Variants in NTRK3 observed in about 807,000 individuals in gnomAD.
The protein encoded by NTRK3 is neurotrophic receptor tyrosine kinase 3.
A neutral mutation model predicts 91.7 loss-of-function variants in NTRK3; 24 were observed. That is an observed-to-expected ratio of 0.26 (90% CI 0.19 to 0.37). The LOEUF (loss-of-function observed/expected upper bound fraction) is 0.37. Among genes scored for constraint, NTRK3 ranks in the 10% least tolerant of loss-of-function variants. NTRK3 has a pLI of 1.00. For missense variants in NTRK3, 880 were observed against 1,068.9 expected (o/e 0.82, Z 2.46); for synonymous variants, 483 against 404.0 (o/e 1.20, Z -2.34).
intron 2 of NTRK3, 38 bp from the exon 3 acceptor site, chr15:88,256,206 TG>T (rs2142091727): frequency 4.4e-5 from 6 of 136,410 alleles, no homozygotes; most frequent in Admixed American, 1.3e-4. Flanking sequence ...GGGGGTGGGG[TG>T]GGGGGAGTGG....
chr15:87,869,485 G>T (rs2064769676), exon 19 of NTRK3: 1 of 218,954 alleles, frequency 4.6e-6, no homozygotes, highest in African/African-American at 2.2e-5. Context: ...CCTGCCTACA[G>T]GAAATGAAAG....
At chr15:88,092,524 A>G (rs1429622591) in intron 13 of NTRK3, among the ~76,000 whole-genome samples, 2 of 152,212 alleles carry the variant, frequency 1.3e-5, no homozygotes, top group East Asian at 1.9e-4. Flanking sequence ...TGTGGCCACA[A>G]GCCAGACTGG....
intron 5 of NTRK3, among the ~76,000 whole-genome samples, chr15:88,149,662 C>T (rs1383689514): frequency 6.6e-6 from 1 of 152,236 alleles, no homozygotes. Context: ...GAGGACACCA[C>T]CTGGGGCAAA....
At chr15:87,990,712 T>G (rs759178539) in intron 14 of NTRK3, among the ~76,000 whole-genome samples, 19 of 152,228 alleles carry the variant, frequency 1.2e-4, no homozygotes, top group Admixed American at 2.0e-4. Context: ...CTTCAACATC[T>G]TCTGCCTTTG....
At position 88,241,851 on chromosome 15, in the gene NTRK3, T is replaced by C. The variant is rs2052385290; in HGVS notation, c.248+14055A>G. On this transcript the variant is annotated intron_variant, in intron 3 of 18. Transcript: ENST00000394480. The surrounding 1 kb of genome is among the most constrained non-coding windows in gnomAD (Gnocchi z 4.3). Reference sequence around the variant, plus strand: ...TCAGCAAAGCTTGGCCCACCTCCCCTCTCCAGAGGTCGATTTCCAGGTGCA... The same window carrying C: ...TCAGCAAAGCTTGGCCCACCTCCCCCCTCCAGAGGTCGATTTCCAGGTGCA... Among the ~76,000 whole-genome samples, 1 of 151,960 alleles carries C rather than the reference T, an allele frequency of 6.6e-6. No homozygotes were observed. The highest frequency in any genetic ancestry group is 1.5e-5 in the Non-Finnish European group (1 of 67,978).
chr15:88,064,286 T>C (rs553521616), intron 13 of NTRK3, among the ~76,000 whole-genome samples: 2 of 152,338 alleles, frequency 1.3e-5, no homozygotes, highest in South Asian at 4.1e-4. Context: ...ATTTCCATTG[T>C]TTTAAGCCAT....
intron 13 of NTRK3, among the ~76,000 whole-genome samples, chr15:88,081,476 T>C (rs1279673000): frequency 6.6e-6 from 1 of 152,100 alleles, no homozygotes; most frequent in African/African-American, 2.4e-5. Context: ...GCCCAACAAG[T>C]CTCATTCCAT....
intron 13 of NTRK3, among the ~76,000 whole-genome samples, chr15:88,066,553 C>G (rs1336908076): frequency 6.6e-6 from 1 of 152,186 alleles, no homozygotes; most frequent in Non-Finnish European, 1.5e-5. Context: ...TCCAACAGAA[C>G]TGCAAAGTCC....
chr15:87,937,171 T>G (rs563302143), intron 15 of NTRK3, among the ~76,000 whole-genome samples: 1 of 152,324 alleles, frequency 6.6e-6, no homozygotes, highest in South Asian at 2.1e-4. Context: ...TCCCTGCAAG[T>G]TGGATACCCA....
intron 14 of NTRK3, among the ~76,000 whole-genome samples, chr15:88,024,741 C>G (rs997326769): frequency 6.6e-6 from 1 of 151,092 alleles, no homozygotes; most frequent in African/African-American, 2.4e-5. Context: ...AAAGTGTCAA[C>G]AAGACTTCTG....
intron 13 of NTRK3, among the ~76,000 whole-genome samples, chr15:88,056,204 T>A (rs12148421): frequency 0.34 from 32,216 of 94,734 alleles, 4,308 homozygotes; most frequent in East Asian, 0.52. Context: ...ATATATATAT[T>A]TTTTTTTTAA....
chr15:87,947,185 G>C (rs8034423), intron 14 of NTRK3, among the ~76,000 whole-genome samples: 17,627 of 151,940 alleles, frequency 0.12, 2,356 homozygotes, highest in African/African-American at 0.33. Flanking sequence ...GGCCCTACAA[G>C]TCTCTTAAAC....
intron 13 of NTRK3, among the ~76,000 whole-genome samples, chr15:88,042,207 A>G (rs537711041): frequency 6.6e-6 from 1 of 152,366 alleles, no homozygotes; most frequent in African/African-American, 2.4e-5. Context: ...AACAAACACA[A>G]TTAAAAATCC....
intron 5 of NTRK3, among the ~76,000 whole-genome samples, chr15:88,158,933 T>C (rs939812639): frequency 1.3e-5 from 2 of 151,820 alleles, no homozygotes; most frequent in African/African-American, 4.8e-5. Context: ...GTGGGAAAAA[T>C]CAAGAACCCC....
At chr15:88,211,889 G>C (rs1567655700) in intron 3 of NTRK3, among the ~76,000 whole-genome samples, 1 of 152,164 alleles carries the variant, frequency 6.6e-6, no homozygotes, top group Non-Finnish European at 1.5e-5. Flanking sequence ...TCAAATGAGT[G>C]GTTTTGTTTT....
At chr15:88,183,019 C>CA (rs1567601154) in intron 5 of NTRK3, among the ~76,000 whole-genome samples, 2 of 137,322 alleles carry the variant, frequency 1.5e-5, no homozygotes, top group East Asian at 2.3e-4. Flanking sequence ...GCAACCCCCC[C>CA]CCGCCCCCCG....
At chr15:88,000,946 G>A (rs532979127) in intron 14 of NTRK3, among the ~76,000 whole-genome samples, 7 of 152,108 alleles carry the variant, frequency 4.6e-5, no homozygotes, top group Admixed American at 2.0e-4. Context: ...CAAAGCAGCT[G>A]CATCATTTTA....
chr15:88,208,319 A>G (rs1291557216), intron 3 of NTRK3, among the ~76,000 whole-genome samples: 1 of 151,930 alleles, frequency 6.6e-6, no homozygotes, highest in Non-Finnish European at 1.5e-5. Context: ...TGGATGTCCC[A>G]TTTTAGCTGG....
intron 17 of NTRK3, among the ~76,000 whole-genome samples, chr15:87,904,961 C>T (rs934565863): frequency 5.9e-5 from 9 of 152,132 alleles, no homozygotes; most frequent in Non-Finnish European, 1.2e-4. Context: ...ATGAATGATG[C>T]TTTCCTCCTC....
Sources: gnomAD v4.1 joint callset for allele counts (sites outside exome capture counted in the v4.1 genomes callset) on GRCh38, gnomAD v4.1.1 for gene constraint, Gnocchi (gnomAD v3.1) non-coding constraint, MANE v1.5 for transcripts, NCBI Gene and HGNC (gene_info 2026-07-23, HGNC 2026-07-21) for gene names.